The following DDX10 variants were observed in gnomAD, a reference collection of about 807,000 sequenced individuals.
The protein encoded by DDX10 is probable ATP-dependent RNA helicase DDX10.
A neutral mutation model predicts 104.3 loss-of-function variants in DDX10; 74 were observed. The ratio of observed to expected loss-of-function variants is 0.71; its 90% confidence interval spans 0.59 to 0.86. The LOEUF is 0.86. Ranked by LOEUF, DDX10 falls within the 40% of genes least tolerant of loss-of-function variation. The pLI is 0.00. For synonymous variants in DDX10, 351 were observed against 353.4 expected (o/e 0.99, Z 0.08); for missense variants, 952 against 1,040.0 (o/e 0.92, Z 1.16).
chr11:108,808,974 A>T (rs1286655025), intron 13 of DDX10, among the ~76,000 whole-genome samples: 1 of 152,180 alleles, frequency 6.6e-6, no homozygotes, highest in Admixed American at 6.5e-5. Flanking sequence ...ATTGAAAAGG[A>T]ATGCAAAGGT....
At chr11:108,885,619 C>T (rs887676373) in intron 16 of DDX10, among the ~76,000 whole-genome samples, 9 of 152,134 alleles carry the variant, frequency 5.9e-5, no homozygotes, top group African/African-American at 2.2e-4. Flanking sequence ...GGGTGATCCA[C>T]CCTCCTCTGC....
At chr11:108,796,379 G>T (rs1417988995) in intron 13 of DDX10, among the ~76,000 whole-genome samples, 1 of 152,164 alleles carries the variant, frequency 6.6e-6, no homozygotes, top group Non-Finnish European at 1.5e-5. Context: ...GCAAACATAT[G>T]CTTTTGGGGA....
At chr11:108,878,591 C>T (rs1189854232) in intron 16 of DDX10, among the ~76,000 whole-genome samples, 2 of 152,140 alleles carry the variant, frequency 1.3e-5, no homozygotes, top group African/African-American at 4.8e-5. Flanking sequence ...CCCATCAAGT[C>T]TTATGACAAA....
chr11:108,772,652 G>A (rs1256569333), intron 13 of DDX10, among the ~76,000 whole-genome samples: 2 of 152,230 alleles, frequency 1.3e-5, no homozygotes, highest in African/African-American at 2.4e-5. Context: ...CCGGTCTGTG[G>A]CCTGTTAGGA....
chr11:108,925,048 T>G (rs1185572172), intron 17 of DDX10, among the ~76,000 whole-genome samples: 1 of 152,218 alleles, frequency 6.6e-6, no homozygotes, highest in East Asian at 1.9e-4. Context: ...CCTTCCCATA[T>G]GCCAAGCAAC....
intron 13 of DDX10, among the ~76,000 whole-genome samples, chr11:108,795,309 AT>A (rs1414474533): frequency 2.1e-5 from 2 of 96,598 alleles, no homozygotes; most frequent in Non-Finnish European, 4.4e-5. Context: ...GAGGGTTTTT[AT>A]TTTTATTTTA....
At chr11:108,734,815 C>T (rs1316390253) in intron 13 of DDX10, among the ~76,000 whole-genome samples, 1 of 152,170 alleles carries the variant, frequency 6.6e-6, no homozygotes, top group African/African-American at 2.4e-5. Flanking sequence ...GCCCTTTGAA[C>T]TTGTTATATG....
At chr11:108,811,463 A>C (rs558155812) in intron 13 of DDX10, among the ~76,000 whole-genome samples, 1 of 152,210 alleles carries the variant, frequency 6.6e-6, no homozygotes, top group Non-Finnish European at 1.5e-5. Context: ...ACTTTCTGTC[A>C]TCTTAATTCC....
At chr11:108,759,375 G>T (rs1379785908) in intron 13 of DDX10, among the ~76,000 whole-genome samples, 1 of 151,744 alleles carries the variant, frequency 6.6e-6, no homozygotes. Context: ...TGGCCATGTG[G>T]GTACTCCACT....
chr11:108,793,881 T>G (rs559975747), intron 13 of DDX10, among the ~76,000 whole-genome samples: 211 of 34,958 alleles, frequency 6.0e-3, no homozygotes, highest in Non-Finnish European at 7.1e-3. Flanking sequence ...CTCCATGAGA[T>G]AAATGTTTTT....
At chr11:108,822,794 C>T (rs571168282) in intron 13 of DDX10, 1 of 153,698 alleles carries the variant, frequency 6.5e-6, no homozygotes, top group Admixed American at 6.5e-5. Context: ...TCAATCCACT[C>T]TTCTCATTTT....
At chr11:108,758,718 T>A (rs2094347353) in intron 13 of DDX10, among the ~76,000 whole-genome samples, 1 of 152,094 alleles carries the variant, frequency 6.6e-6, no homozygotes, top group South Asian at 2.1e-4. Flanking sequence ...TGATCTCCCC[T>A]TCTGCCTCCT....
intron 16 of DDX10, among the ~76,000 whole-genome samples, chr11:108,915,456 T>G (rs34506580): frequency 0.48 from 68,206 of 141,406 alleles, 18,572 homozygotes; most frequent in Non-Finnish European, 0.62. Flanking sequence ...GGTTTTTTTT[T>G]TTTTGTTTGT....
intron 17 of DDX10, among the ~76,000 whole-genome samples, chr11:108,930,577 C>A (rs923365919): frequency 1.3e-5 from 2 of 152,230 alleles, no homozygotes; most frequent in Non-Finnish European, 2.9e-5. Context: ...GCTAAACTCT[C>A]TTCCGAAGTG....
intron 15 of DDX10, among the ~76,000 whole-genome samples, chr11:108,851,083 C>G (rs187340446): frequency 6.6e-6 from 1 of 152,064 alleles, no homozygotes; most frequent in Non-Finnish European, 1.5e-5. Flanking sequence ...CAATTTTATT[C>G]CTCTCTGTAG....
chr11:108,676,420 A>C (rs1236627890), intron 3 of DDX10, among the ~76,000 whole-genome samples: 2 of 152,162 alleles, frequency 1.3e-5, no homozygotes, highest in Non-Finnish European at 2.9e-5. Context: ...TAACTACAGC[A>C]GCTACATGGG....
At chr11:108,796,768 G>A (rs1004020410) in intron 13 of DDX10, among the ~76,000 whole-genome samples, 2 of 152,204 alleles carry the variant, frequency 1.3e-5, no homozygotes, top group African/African-American at 4.8e-5. Context: ...GGGGTTGGAG[G>A]TGGGACCTTT....
chr11:108,748,428 C>G (rs898309835), intron 13 of DDX10, among the ~76,000 whole-genome samples: 2 of 152,176 alleles, frequency 1.3e-5, no homozygotes, highest in African/African-American at 4.8e-5. Context: ...GTCAACCATC[C>G]TGGCCAAAAT....
At chr11:108,677,435 A>T (rs975019908) in intron 4 of DDX10, among the ~76,000 whole-genome samples, 192 bp downstream of exon 4, 1 of 150,104 alleles carries the variant, frequency 6.7e-6, no homozygotes, top group East Asian at 2.0e-4. Context: ...CAGAAAGTCC[A>T]TTTTTTTTTG....
Sources: gnomAD v4.1 joint callset for allele counts (sites outside exome capture counted in the v4.1 genomes callset) on GRCh38, gnomAD v4.1.1 for gene constraint, MANE v1.5 for transcripts, NCBI Gene and HGNC (gene_info 2026-07-23, HGNC 2026-07-21) for gene names.